Variants in CNTNAP2 observed in about 807,000 individuals in gnomAD.
CNTNAP2 encodes contactin-associated protein-like 2.
CNTNAP2 carries 98 observed loss-of-function variants against 155.2 expected under a neutral mutation model. The observed-to-expected ratio is 0.63, with a 90% confidence interval of 0.54 to 0.75. CNTNAP2 has a LOEUF of 0.75. Among genes scored for constraint, CNTNAP2 ranks in the 30% least tolerant of loss-of-function variants. The pLI is 0.00. For missense variants in CNTNAP2, 1,727 were observed against 1,688.1 expected (o/e 1.02, Z -0.40); for synonymous variants, 651 against 631.2 (o/e 1.03, Z -0.47).
At chr7:147,806,823 A>G (rs374784012) in intron 13 of CNTNAP2, among the ~76,000 whole-genome samples, 14 of 152,304 alleles carry the variant, frequency 9.2e-5, no homozygotes, top group African/African-American at 3.4e-4. Context: ...AGAGAGTAGA[A>G]TGATGGTTAC....
At chr7:146,733,623 G>A (rs944016935) in intron 1 of CNTNAP2, among the ~76,000 whole-genome samples, 3 of 152,160 alleles carry the variant, frequency 2.0e-5, no homozygotes, top group Non-Finnish European at 2.9e-5. Context: ...CGAATAAACT[G>A]ACATTTAAAA....
At chr7:146,998,873 G>A (rs961785403) in intron 3 of CNTNAP2, among the ~76,000 whole-genome samples, 6 of 151,420 alleles carry the variant, frequency 4.0e-5, no homozygotes, top group Non-Finnish European at 7.4e-5. Context: ...CTCATTTTTA[G>A]TCCATATGTG....
At chr7:147,037,409 T>A (rs1410968019) in intron 3 of CNTNAP2, among the ~76,000 whole-genome samples, 1 of 151,694 alleles carries the variant, frequency 6.6e-6, no homozygotes, top group African/African-American at 2.4e-5. Flanking sequence ...TTGTCCCAAG[T>A]TTGTCTTTAC....
chr7:147,284,697 C>T (rs113793383), intron 8 of CNTNAP2, among the ~76,000 whole-genome samples: 3 of 151,878 alleles, frequency 2.0e-5, no homozygotes, highest in Admixed American at 6.6e-5. Flanking sequence ...ACTGTTTTAA[C>T]GTACTCACCT....
chr7:147,326,197 T>C (rs922280439), intron 9 of CNTNAP2, among the ~76,000 whole-genome samples: 1 of 152,236 alleles, frequency 6.6e-6, no homozygotes, highest in African/African-American at 2.4e-5. Flanking sequence ...GTGCTGGGAT[T>C]ACAGGCGTTA....
intron 1 of CNTNAP2, among the ~76,000 whole-genome samples, chr7:146,369,460 C>T (rs1016166720): frequency 2.6e-5 from 4 of 152,058 alleles, no homozygotes; most frequent in Admixed American, 6.6e-5. Flanking sequence ...ACCTATGATA[C>T]GGGCATTCTT....
intron 2 of CNTNAP2, among the ~76,000 whole-genome samples, chr7:146,776,632 G>A (rs2129186332): frequency 6.6e-6 from 1 of 152,288 alleles, no homozygotes; most frequent in African/African-American, 2.4e-5. Context: ...TTTCAGAGCA[G>A]CAGGTTACCA....
Position 146,784,847 on chromosome 7 carries a change from G to A in CNTNAP2, c.208+10466G>A, listed in dbSNP as rs138524721. ...GTTTCTATGAAATTTCTGGAGAATG[G>A]TCAGGATATCTAGGCAAAAAGCTTT... On this transcript the variant is annotated intron_variant, in intron 2 of 23. Coordinates refer to ENST00000361727, the MANE Select transcript of CNTNAP2 (RefSeq NM_014141.6). 2.7e-3 allele frequency among the ~76,000 whole-genome samples: 412 copies of A among 152,228 alleles called. 1 individual carries two copies. The highest frequency in any genetic ancestry group is 8.0e-3 in the African/African-American group (332 of 41,550).
At chr7:147,072,183 G>T (rs142523177) in intron 4 of CNTNAP2, among the ~76,000 whole-genome samples, 1 of 152,088 alleles carries the variant, frequency 6.6e-6, no homozygotes, top group Non-Finnish European at 1.5e-5. Context: ...GTAAACAAAA[G>T]AGCATAAACA....
intron 3 of CNTNAP2, among the ~76,000 whole-genome samples, chr7:146,903,905 C>A (rs991685933): frequency 6.6e-6 from 1 of 152,020 alleles, no homozygotes; most frequent in African/African-American, 2.4e-5. Context: ...TTGGTGAGGT[C>A]ATAGAATATG....
chr7:147,389,333 C>G (rs758868984), intron 9 of CNTNAP2, among the ~76,000 whole-genome samples: 1 of 152,166 alleles, frequency 6.6e-6, no homozygotes, highest in Admixed American at 6.5e-5. Context: ...ACCTTCCCAA[C>G]TTTAAAAAAG....
chr7:146,716,369 G>T (rs1469828755), intron 1 of CNTNAP2, among the ~76,000 whole-genome samples: 1 of 150,552 alleles, frequency 6.6e-6, no homozygotes, highest in Non-Finnish European at 1.5e-5. Flanking sequence ...GAAATCAGTG[G>T]TTTAAAAAAA....
At chr7:147,304,556 T>A (rs1563153316) in intron 9 of CNTNAP2, among the ~76,000 whole-genome samples, 2 of 152,116 alleles carry the variant, frequency 1.3e-5, no homozygotes, top group African/African-American at 4.8e-5. Flanking sequence ...AGAGGAGAGA[T>A]AAGAAGCTTC....
chr7:147,467,904 G>A (rs550678065), intron 10 of CNTNAP2, among the ~76,000 whole-genome samples: 23 of 152,168 alleles, frequency 1.5e-4, no homozygotes, highest in African/African-American at 4.8e-4. Context: ...GGTGATGCAT[G>A]CCTGTAGTCC....
At position 146,147,150 on chromosome 7, in the gene CNTNAP2, C is replaced by G. The variant is rs115710714; in HGVS notation, c.97+30177C>G. ...TTCAATTGCCAGGAATTCTTCTTTG[C>G]TTGAATTTGATCATTCTTCTTTCTC... On this transcript the variant is annotated intron_variant, in intron 1 of 23. Coordinates refer to ENST00000361727, the MANE Select transcript of CNTNAP2 (RefSeq NM_014141.6). 5.2e-3 allele frequency among the ~76,000 whole-genome samples: 799 copies of G among 152,258 alleles called. 5 individuals are homozygous for G. Among genetic ancestry groups the G allele is most frequent in the African/African-American group, 0.018 (756 of 41,578 alleles).
At chr7:146,303,107 T>C (rs10272654) in intron 1 of CNTNAP2, among the ~76,000 whole-genome samples, 19,015 of 150,158 alleles carry the variant, frequency 0.13, 3,294 homozygotes, top group African/African-American at 0.4. Context: ...TGTGTGTGTG[T>C]GCGCATGCAT....
intron 1 of CNTNAP2, among the ~76,000 whole-genome samples, chr7:146,742,407 G>C (rs533607955): frequency 1.6e-4 from 24 of 152,162 alleles, no homozygotes; most frequent in Non-Finnish European, 3.1e-4. Flanking sequence ...GGATCATAAG[G>C]ATCATATAGA....
chr7:146,396,168 A>G (rs1795624442), intron 1 of CNTNAP2, among the ~76,000 whole-genome samples: 1 of 152,132 alleles, frequency 6.6e-6, no homozygotes, highest in African/African-American at 2.4e-5. Context: ...TCTGGGGAAA[A>G]TAGTGTTTAG....
chr7:147,029,151 G>A (rs763668953), intron 3 of CNTNAP2, among the ~76,000 whole-genome samples: 1 of 151,686 alleles, frequency 6.6e-6, no homozygotes, highest in Non-Finnish European at 1.5e-5. Flanking sequence ...TTTTAGTAGA[G>A]ACGGGATTTC....
Sources: allele counts gnomAD v4.1 joint callset (sites outside exome capture counted in the v4.1 genomes callset), GRCh38; gene constraint gnomAD v4.1.1; transcripts MANE v1.5; gene names NCBI Gene and HGNC (gene_info 2026-07-23, HGNC 2026-07-21).